Variants in PRDM16 observed in about 807,000 individuals in gnomAD.
PRDM16 encodes the protein PR/SET domain 16.
In PRDM16, 23 loss-of-function variants were observed where a neutral mutation model predicts 110.6. That is an observed-to-expected ratio of 0.21 (90% confidence interval 0.15 to 0.29). The LOEUF (loss-of-function observed/expected upper bound fraction) is 0.29, where lower values mean the gene tolerates loss of function less well. Ranked by LOEUF, PRDM16 falls within the 10% of genes least tolerant of loss-of-function variation. The pLI is 1.00. For missense variants in PRDM16, 1,615 were observed against 1,794.3 expected (o/e 0.90, Z 1.81); for synonymous variants, 799 against 781.8 (o/e 1.02, Z -0.37).
chr1:3,329,652 G>A (rs1642001563), intron 3 of PRDM16, among the ~76,000 whole-genome samples: 1 of 152,236 alleles, frequency 6.6e-6, no homozygotes, highest in African/African-American at 2.4e-5. Flanking sequence ...AGCCCAGGGC[G>A]AGCCTTCACA....
chr1:3,314,071 C>CGGGGGGGGGGGGG lies in PRDM16; in HGVS notation c.438+69945_438+69946insGGGGGGGGGGGGG, dbSNP rs747479644. On this transcript the variant is annotated intron_variant, in intron 3 of 16. Coordinates refer to ENST00000270722, the MANE Select transcript of PRDM16 (RefSeq NM_022114.4). ...GCCCCCGAATGCCGTCCTTCCCCACCGGGGGGGGGGGCGGGAACATAAAAT... is the reference window on the plus strand; with the variant it reads ...GCCCCCGAATGCCGTCCTTCCCCACCGGGGGGGGGGGGGGGGGGGGGGGGCGGGAACATAAAAT... 3.1e-4 allele frequency among the ~76,000 whole-genome samples: 31 copies of CGGGGGGGGGGGGG among 100,446 alleles called. 1 individual carries two copies. Among genetic ancestry groups the CGGGGGGGGGGGGG allele is most frequent in the African/African-American group, 1.7e-3 (27 of 16,212 alleles). 65.9% of individuals were successfully genotyped at this position (100,446 alleles called of 152,430 possible). A position where few individuals can be genotyped will look rare whatever the true frequency, so the allele number is the denominator to read the frequency against.
intron 1 of PRDM16, among the ~76,000 whole-genome samples, chr1:3,145,524 T>A (rs1643631053): frequency 1.3e-5 from 2 of 152,154 alleles, no homozygotes; most frequent in South Asian, 4.1e-4. Flanking sequence ...CCCAGGGGGC[T>A]TCTCCCGAGA....
In PRDM16 at chr1:3,415,111, G is replaced by C. The variant is rs374476603; in HGVS notation, c.2691+464G>C. ...AGAGGGGCATGGAGCCAGGCCCCAGGGAGGTGGTGGGCAGGGGGTCTGGAA... is the reference window on the plus strand; with the variant it reads ...AGAGGGGCATGGAGCCAGGCCCCAGCGAGGTGGTGGGCAGGGGGTCTGGAA... On this transcript the variant is annotated intron_variant, in intron 10 of 16. Transcript: ENST00000270722. 2.0e-4 allele frequency among the ~76,000 whole-genome samples: 30 copies of C among 152,322 alleles called. 1 individual carries two copies. In the East Asian group the frequency reaches 5.2e-3, roughly 26 times the overall value.
chr1:3,373,424 G>A (rs772439464), intron 3 of PRDM16, among the ~76,000 whole-genome samples: 36 of 152,322 alleles, frequency 2.4e-4, no homozygotes, highest in Non-Finnish European at 4.4e-4. Context: ...GGGGAGCCAG[G>A]GGGTTCGGGG....
intron 3 of PRDM16, among the ~76,000 whole-genome samples, chr1:3,262,863 G>C (rs577809745): frequency 1.3e-5 from 2 of 152,198 alleles, no homozygotes; most frequent in Non-Finnish European, 2.9e-5. Context: ...ACGAGGGTGT[G>C]CGCGCATGGG....
At chr1:3,216,870 C>A (rs912766828) in intron 2 of PRDM16, among the ~76,000 whole-genome samples, 11 of 152,242 alleles carry the variant, frequency 7.2e-5, no homozygotes, top group African/African-American at 2.7e-4. Flanking sequence ...CAGGTGCCCA[C>A]TGTCCGCACC....
rs529280243 is a variant in PRDM16, at chr1:3,246,679, C to T, written c.438+2542C>T. On this transcript the variant is annotated intron_variant, in intron 3 of 16. Coordinates refer to ENST00000270722, the MANE Select transcript of PRDM16 (RefSeq NM_022114.4). This position sits in a 1 kb window ranked among gnomAD's most constrained non-coding sequence, Gnocchi z 5.2. ...CATCAACTCATAGTTTTTTCAGCCT[C>T]CGCAATAAACACCGTCAGCGTCTGG... is the stretch of plus-strand genomic sequence containing the variant. Among the ~76,000 whole-genome samples, 36 of 152,318 alleles carry T rather than the reference C, an allele frequency of 2.4e-4. No homozygotes were observed. Among genetic ancestry groups the T allele is most frequent in the African/African-American group, 8.4e-4 (35 of 41,572 alleles).
chr1:3,431,177 C>T, intron 15 of PRDM16, 69 bp downstream of exon 15: 1 of 1,514,002 alleles, frequency 6.6e-7, no homozygotes, highest in Non-Finnish European at 8.8e-7. Context: ...AGGGGGACCT[C>T]CCTCTTCAGC....
rs1642194024 is a variant in PRDM16, at chr1:3,088,230, T to C, written c.37+18934T>C. Among the ~76,000 whole-genome samples, 3 of 152,042 alleles carry C rather than the reference T, an allele frequency of 2.0e-5. 1 individual carries two copies. In the South Asian group the frequency reaches 6.2e-4, roughly 32 times the overall value. ...CGTAGGCAGGACTCTGGAGTTGCAG[T>C]TGCATTCAATCAGGGAGCTGGGGAC... On this transcript the variant is annotated intron_variant, in intron 1 of 16. Coordinates refer to ENST00000270722, the MANE Select transcript of PRDM16 (RefSeq NM_022114.4).
rs913734701 is a variant in PRDM16, at chr1:3,429,557, G to A, written c.3285-1315G>A. Among the ~76,000 whole-genome samples, 17 of 152,194 alleles carry A rather than the reference G, an allele frequency of 1.1e-4. 1 individual carries two copies. The highest frequency in any genetic ancestry group is 6.5e-4 in the Admixed American group (10 of 15,280). On this transcript the variant is annotated intron_variant, in intron 14 of 16. Transcript: ENST00000270722. ...GGGAGGGGTATGTCCTCGTGTCATC[G>A]AGAGGGCACAGGCCCCAAAGACAGA...
At chr1:3,084,255 GC>G (rs751563517) in intron 1 of PRDM16, among the ~76,000 whole-genome samples, 1 of 152,198 alleles carries the variant, frequency 6.6e-6, no homozygotes, top group East Asian at 1.9e-4. Flanking sequence ...TTGGGCTGGA[GC>G]CCCCTGGATC....
At chr1:3,284,044 TG>T (rs968811257) in intron 3 of PRDM16, among the ~76,000 whole-genome samples, 1 of 151,852 alleles carries the variant, frequency 6.6e-6, no homozygotes, top group African/African-American at 2.4e-5. Context: ...GTAGCGGGCC[TG>T]GGGGGGCCTG....
At chr1:3,373,082 G>A (rs1167160141) in intron 3 of PRDM16, among the ~76,000 whole-genome samples, 2 of 152,188 alleles carry the variant, frequency 1.3e-5, no homozygotes, top group Non-Finnish European at 2.9e-5. Context: ...CTTCCACCTC[G>A]TAAGGAGCAG....
intron 3 of PRDM16, among the ~76,000 whole-genome samples, chr1:3,314,780 G>C (rs186523302): frequency 1.3e-5 from 2 of 152,188 alleles, no homozygotes; most frequent in African/African-American, 4.8e-5. Context: ...GCAATTACCA[G>C]CCTGGAGGGA....
intron 1 of PRDM16, among the ~76,000 whole-genome samples, chr1:3,184,397 C>T (rs1178424153): frequency 6.6e-6 from 1 of 152,092 alleles, no homozygotes; most frequent in Non-Finnish European, 1.5e-5. Flanking sequence ...GGGTGCGGGG[C>T]GGGGGCCGGG....
intron 3 of PRDM16, among the ~76,000 whole-genome samples, chr1:3,336,154 G>C (rs1244848172): frequency 6.6e-6 from 1 of 152,252 alleles, no homozygotes; most frequent in Non-Finnish European, 1.5e-5. Flanking sequence ...CCTGCATTCA[G>C]GCTTACTGAC....
In PRDM16 at chr1:3,157,929, A is replaced by G. The variant is rs893012856; in HGVS notation, c.38-28196A>G. 1.1e-4 allele frequency among the ~76,000 whole-genome samples: 17 copies of G among 152,222 alleles called. No individual in the cohort carries two copies. Among genetic ancestry groups the G allele is most frequent in the African/African-American group, 4.1e-4 (17 of 41,462 alleles). On this transcript the variant is annotated intron_variant, in intron 1 of 16. Coordinates refer to ENST00000270722, the MANE Select transcript of PRDM16 (RefSeq NM_022114.4). The surrounding 1 kb of genome is among the most constrained non-coding windows in gnomAD (Gnocchi z 4.8). ...CTCTCTTTTGACAGAGGACAGATATATTACGAAAATTACAAAATAATTACA... is the reference window on the plus strand; with the variant it reads ...CTCTCTTTTGACAGAGGACAGATATGTTACGAAAATTACAAAATAATTACA...
intron 4 of PRDM16, among the ~76,000 whole-genome samples, chr1:3,389,019 A>T (rs761062732): frequency 2.0e-5 from 3 of 152,188 alleles, no homozygotes; most frequent in Non-Finnish European, 2.9e-5. Flanking sequence ...CTGTCTGGCC[A>T]GGACCCAATT....
intron 2 of PRDM16, among the ~76,000 whole-genome samples, chr1:3,218,739 G>A (rs1207856801): frequency 1.3e-5 from 2 of 152,168 alleles, no homozygotes; most frequent in Admixed American, 6.5e-5. Context: ...TCTTGGCAGC[G>A]AGGGGTGGCT....
Sources: gnomAD v4.1 joint callset for allele counts (sites outside exome capture counted in the v4.1 genomes callset) on GRCh38, gnomAD v4.1.1 for gene constraint, Gnocchi (gnomAD v3.1) non-coding constraint, MANE v1.5 for transcripts, NCBI Gene and HGNC (gene_info 2026-07-23, HGNC 2026-07-21) for gene names.